The following EMC2 variants were observed in gnomAD, a reference collection of about 807,000 sequenced individuals.
The protein encoded by EMC2 is TPR repeat protein 35.
A neutral mutation model predicts 51.6 loss-of-function variants in EMC2; 37 were observed. The ratio of observed to expected loss-of-function variants is 0.72; its 90% CI spans 0.55 to 0.94. The LOEUF is 0.94. Ranked by LOEUF, EMC2 falls within the 40% of genes least tolerant of loss-of-function variation. The pLI is 0.00. For synonymous variants in EMC2, 131 were observed against 112.4 expected (o/e 1.17, Z -1.04); for missense variants, 359 against 350.9 (o/e 1.02, Z -0.18).
intron 5 of EMC2, among the ~76,000 whole-genome samples, chr8:108,469,447 T>A (rs759873123): frequency 7.9e-5 from 12 of 152,024 alleles, no homozygotes; most frequent in Non-Finnish European, 1.5e-4. Context: ...ATGGTGAGAT[T>A]TTTTTTCCCC....
intron 7 of EMC2, among the ~76,000 whole-genome samples, chr8:108,470,586 G>T (rs1246885708): frequency 1.3e-5 from 2 of 152,090 alleles, no homozygotes; most frequent in South Asian, 2.1e-4. Context: ...GCATTCTGTT[G>T]CCTGGGTAAA....
intron 10 of EMC2, 21 bp from the exon 11 acceptor site, chr8:108,486,491 T>TC: frequency 6.7e-7 from 1 of 1,491,752 alleles, no homozygotes; most frequent in South Asian, 1.4e-5. Context: ...AATTGAGCTT[T>TC]TTTTTTTTTT....
In EMC2 at chr8:108,453,148, G is replaced by T; in HGVS notation, c.305+1G>T. ...GCATGAGATTTGAAGCCATGGAAAG[G>T]TAACCAAATCTTATCAGCTGGCAGG... On this transcript the variant is annotated splice_donor_variant, in intron 4 of 10. Transcript: ENST00000220853. LOFTEE classifies it high-confidence loss of function. 6.3e-7 allele frequency: 1 copy of T among 1,584,022 alleles called. No individual in the cohort carries two copies. Among genetic ancestry groups the T allele is most frequent in the South Asian group, 1.1e-5 (1 of 87,860 alleles).
At chr8:108,474,858 C>T (rs1810919878) in intron 7 of EMC2, 1 of 151,564 alleles carries the variant, frequency 6.6e-6, no homozygotes. Flanking sequence ...TAATTTCCTT[C>T]TTCCTAGGGT....
intron 5 of EMC2, among the ~76,000 whole-genome samples, chr8:108,465,015 T>C (rs1819433976): frequency 6.6e-6 from 1 of 152,154 alleles, no homozygotes; most frequent in Admixed American, 6.5e-5. Context: ...ATAGATTGTA[T>C]TTTGCCGGTA....
At chr8:108,474,932 G>A (rs944993547) in intron 7 of EMC2, 3 of 151,942 alleles carry the variant, frequency 2.0e-5, no homozygotes, top group African/African-American at 7.2e-5. Flanking sequence ...CACGTAATAA[G>A]CATTTAGTAA....
chr8:108,448,697 C>G (rs1270828351), intron 1 of EMC2, among the ~76,000 whole-genome samples: 3 of 152,156 alleles, frequency 2.0e-5, no homozygotes, highest in East Asian at 3.9e-4. Context: ...TCGGGTACGT[C>G]TTTATCAGCA....
At chr8:108,482,985 C>T (rs564617343) in intron 10 of EMC2, among the ~76,000 whole-genome samples, 10 of 152,106 alleles carry the variant, frequency 6.6e-5, no homozygotes, top group African/African-American at 1.7e-4. Context: ...TCATGAGTCC[C>T]GTCCATGGAA....
At chr8:108,475,273 T>G (rs910138978) in intron 7 of EMC2, 1 of 151,956 alleles carries the variant, frequency 6.6e-6, no homozygotes, top group Non-Finnish European at 1.5e-5. Flanking sequence ...AGATTTTTGT[T>G]TATTCTACCA....
intron 7 of EMC2, among the ~76,000 whole-genome samples, 159 bp downstream of exon 7, chr8:108,470,280 A>C (rs867496938): frequency 6.6e-6 from 1 of 152,206 alleles, no homozygotes; most frequent in Non-Finnish European, 1.5e-5. Context: ...AGAACAAATC[A>C]GTAATTCACT....
intron 5 of EMC2, among the ~76,000 whole-genome samples, chr8:108,458,433 C>T (rs1819221033): frequency 6.6e-6 from 1 of 152,334 alleles, no homozygotes; most frequent in Middle Eastern, 3.4e-3. Flanking sequence ...GTGCAACAAA[C>T]TTCTGCCTGG....
chr8:108,468,812 G>A (rs184903623), intron 5 of EMC2, among the ~76,000 whole-genome samples: 15 of 152,262 alleles, frequency 9.9e-5, no homozygotes, highest in Non-Finnish European at 1.5e-4. Context: ...TAGAGAGGAC[G>A]TAAATTTAAT....
chr8:108,453,704 C>T (rs1243625804), intron 4 of EMC2, among the ~76,000 whole-genome samples: 1 of 151,622 alleles, frequency 6.6e-6, no homozygotes, highest in African/African-American at 2.4e-5. Flanking sequence ...TTCTTTTTGC[C>T]GTCTTTTAAA....
At chr8:108,473,702 A>AATTGTG (rs943949897) in intron 7 of EMC2, 3 of 152,018 alleles carry the variant, frequency 2.0e-5, no homozygotes, top group African/African-American at 7.2e-5. Flanking sequence ...TTTAAGGAAA[A>AATTGTG]ATTGTGATGT....
At chr8:108,459,503 A>G (rs1391007495) in intron 5 of EMC2, among the ~76,000 whole-genome samples, 3 of 152,176 alleles carry the variant, frequency 2.0e-5, no homozygotes, top group African/African-American at 7.2e-5. Flanking sequence ...GGATGACAGC[A>G]TGCAAAGAGA....
At chr8:108,486,373 A>G (rs1811137892) in intron 10 of EMC2, 139 bp from the exon 11 acceptor site, 1 of 1,248,868 alleles carries the variant, frequency 8.0e-7, no homozygotes, top group Admixed American at 3.3e-5. Flanking sequence ...TTCTTATTGA[A>G]AAAGCAAAGA....
At chr8:108,484,429 G>T (rs996141203) in intron 10 of EMC2, among the ~76,000 whole-genome samples, 2 of 151,940 alleles carry the variant, frequency 1.3e-5, no homozygotes, top group African/African-American at 4.8e-5. Flanking sequence ...ATTCTAAATT[G>T]CACTGGTTGT....
chr8:108,451,000 G>A (rs201829975), intron 3 of EMC2, among the ~76,000 whole-genome samples: 2 of 152,232 alleles, frequency 1.3e-5, no homozygotes, highest in Admixed American at 6.5e-5. Context: ...TCAGGAGTTC[G>A]AGACCAGCCT....
chr8:108,481,570 A>G (rs1811045348), intron 10 of EMC2, among the ~76,000 whole-genome samples: 1 of 152,166 alleles, frequency 6.6e-6, no homozygotes, highest in Non-Finnish European at 1.5e-5. Context: ...TGACATAACT[A>G]TTTTAAAATC....
Sources: allele counts gnomAD v4.1 joint callset (sites outside exome capture counted in the v4.1 genomes callset), GRCh38; gene constraint gnomAD v4.1.1; transcripts MANE v1.5; gene names NCBI Gene and HGNC (gene_info 2026-07-23, HGNC 2026-07-21).